The following CERS3 variants were observed in gnomAD, a reference collection of about 807,000 sequenced individuals.
CERS3 encodes ceramide synthase 3, also known as LAG1 homolog, ceramide synthase 3.
A neutral mutation model predicts 50.3 loss-of-function variants in CERS3; 33 were observed. The observed-to-expected ratio is 0.66, with a 90% CI of 0.50 to 0.88. The LOEUF is 0.88. Among genes scored for constraint, CERS3 ranks in the 40% least tolerant of loss-of-function variants. The pLI, the probability that CERS3 is intolerant of heterozygous loss-of-function variation, is 0.00. For synonymous variants in CERS3, 176 were observed against 155.2 expected (o/e 1.13, Z -0.99); for missense variants, 470 against 460.3 (o/e 1.02, Z -0.19).
At chr15:100,453,194 C>T (rs1408174626) in intron 11 of CERS3, among the ~76,000 whole-genome samples, 3 of 151,804 alleles carry the variant, frequency 2.0e-5, no homozygotes, top group African/African-American at 7.3e-5. Context: ...AAGGACCCAA[C>T]AACAAAAAAA....
rs560115372 is a variant in CERS3 at position 100,537,062 on chromosome 15, T to C, written c.-355+7589A>G. Among the ~76,000 whole-genome samples the C allele has an allele frequency of 2.6e-5, 4 of 152,346 alleles. No individual in the cohort carries two copies. In the South Asian group the frequency reaches 6.2e-4, roughly 24 times the overall value. ...TCCCTCTTCCTCCTATTCTACCACC[T>C]ATCCCATATCCTACCCTGCCACTTG... On this transcript the variant is annotated intron_variant, in intron 1 of 12. Transcript: ENST00000284382.
chr15:100,402,605 G>A lies in CERS3; in HGVS notation c.*108C>T, dbSNP rs943244041. On this transcript the variant is annotated 3_prime_UTR_variant, in exon 12 of 12. Coordinates refer to ENST00000679737, the MANE Select transcript of CERS3 (RefSeq NM_001378789.1). The stretch of plus-strand genomic sequence containing the variant: ...CATCTTAGGTGGGAGGGAAGGCGGT[G>A]GTGAGAAAGAGGGAAGGGCAGAATG... 4.7e-6 allele frequency: 5 copies of A among 1,071,292 alleles called. No individual in the cohort carries two copies. Among genetic ancestry groups the A allele is most frequent in the Admixed American group, 5.0e-5 (2 of 39,774 alleles). 66.4% of individuals were successfully genotyped at this position (1,071,292 alleles called of 1,614,324 possible).
rs1407900299 is a variant in CERS3 at position 100,400,677 on chromosome 15, G to T, written c.*2036C>A. On this transcript the variant is annotated 3_prime_UTR_variant, in exon 12 of 12. Transcript: ENST00000679737. ...ATAAGAAAAAAAACTGGAGATAGAG[G>T]TAAACAAATACTTTTCTACCTTAAG... 1.3e-5 allele frequency: 2 copies of T among 151,918 alleles called. No homozygotes were observed. The highest frequency in any genetic ancestry group is 4.8e-5 in the African/African-American group (2 of 41,346). The allele number at this position is 151,918 out of a possible 1,614,324, so 9.4% of individuals were successfully genotyped here. A position where few individuals can be genotyped will look rare whatever the true frequency, so the allele number is the denominator to read the frequency against.
upstream of CERS3, among the ~76,000 whole-genome samples, chr15:100,530,566 C>T (rs953223311): frequency 6.6e-6 from 1 of 152,232 alleles, no homozygotes; most frequent in Non-Finnish European, 1.5e-5. Context: ...CACAACTTAA[C>T]TGATTTTTGT....
chr15:100,432,730 T>G (rs1221119074), intron 11 of CERS3, among the ~76,000 whole-genome samples: 2 of 151,820 alleles, frequency 1.3e-5, no homozygotes, highest in African/African-American at 2.4e-5. Flanking sequence ...TTCGAAAGAG[T>G]TGTATGTATT....
intron 5 of CERS3, among the ~76,000 whole-genome samples, chr15:100,483,069 T>A (rs2035362351): frequency 6.6e-6 from 1 of 152,252 alleles, no homozygotes; most frequent in African/African-American, 2.4e-5. Flanking sequence ...GTCTTTGCTT[T>A]ACTTGAAAAT....
chr15:100,469,563 G>A, intron 9 of CERS3, 79 bp from the exon 10 acceptor site: 1 of 1,016,874 alleles, frequency 9.8e-7, no homozygotes, highest in East Asian at 2.6e-5. Context: ...GAAATGATAT[G>A]AGGTCTGGGA....
intron 2 of CERS3, among the ~76,000 whole-genome samples, chr15:100,507,579 C>T (rs2036221613): frequency 6.6e-6 from 1 of 152,244 alleles, no homozygotes; most frequent in Admixed American, 6.5e-5. Context: ...TTTACCTGAT[C>T]CTAGTGTACT....
chr15:100,424,700 A>G (rs751192452), intron 11 of CERS3, among the ~76,000 whole-genome samples: 11 of 152,246 alleles, frequency 7.2e-5, no homozygotes, highest in Non-Finnish European at 1.3e-4. Flanking sequence ...ATGACAGCAT[A>G]TGCTCATCTG....
At chr15:100,457,701 TGCC>T (rs2034422037) in intron 10 of CERS3, among the ~76,000 whole-genome samples, 1 of 152,238 alleles carries the variant, frequency 6.6e-6, no homozygotes, top group Non-Finnish European at 1.5e-5. Flanking sequence ...TAGAATTGTG[TGCC>T]ATCTGGTAAA....
At chr15:100,532,938 T>A (rs2036974456), upstream of CERS3, among the ~76,000 whole-genome samples, 1 of 152,114 alleles carries the variant, frequency 6.6e-6, no homozygotes, top group South Asian at 2.1e-4. Context: ...TGTCATAAAG[T>A]CATCTCTCCT....
chr15:100,489,976 G>A (rs1348143407), intron 4 of CERS3, among the ~76,000 whole-genome samples: 1 of 152,148 alleles, frequency 6.6e-6, no homozygotes, highest in African/African-American at 2.4e-5. Context: ...ACTTAATTCA[G>A]GAAATAAAGT....
intron 11 of CERS3, among the ~76,000 whole-genome samples, chr15:100,432,468 T>G (rs999002980): frequency 2.6e-5 from 4 of 152,150 alleles, no homozygotes; most frequent in Non-Finnish European, 4.4e-5. Flanking sequence ...ACATGGAGGC[T>G]TAATCAATTT....
intron 1 of CERS3, among the ~76,000 whole-genome samples, chr15:100,524,981 T>C: frequency 6.6e-6 from 1 of 152,214 alleles, no homozygotes; most frequent in East Asian, 1.9e-4. Context: ...AACCTGAATA[T>C]AGTAAGTAAA....
intron 4 of CERS3, among the ~76,000 whole-genome samples, chr15:100,486,661 A>G (rs1036085854): frequency 5.3e-5 from 8 of 152,306 alleles, no homozygotes; most frequent in Non-Finnish European, 1.2e-4. Flanking sequence ...ACAGCAGGAC[A>G]TATTCTGGCA....
intron 2 of CERS3, among the ~76,000 whole-genome samples, chr15:100,514,039 T>C (rs556551797): frequency 6.6e-6 from 1 of 152,348 alleles, no homozygotes; most frequent in South Asian, 2.1e-4. Context: ...ACATGGACTT[T>C]GGAGCCAGGC....
chr15:100,467,874 G>GATATAGAT lies in CERS3; in HGVS notation c.845+1503_845+1504insATCTATAT, dbSNP rs1555528343. 1.6e-3 allele frequency among the ~76,000 whole-genome samples: 75 copies of GATATAGAT among 46,010 alleles called. 2 individuals carry two copies. The highest frequency in any genetic ancestry group is 3.6e-3 in the African/African-American group (69 of 19,128). 30.2% of individuals were successfully genotyped at this position (46,010 alleles called of 152,430 possible). On this transcript the variant is annotated intron_variant, in intron 10 of 11. Transcript: ENST00000679737. ...ATATAGATAGATAGATAGATAGATAGATAGATATAGATATAGATATAGATA... is the reference window on the plus strand; with the variant it reads ...ATATAGATAGATAGATAGATAGATAGATATAGATATAGATATAGATATAGATATAGATA...
At chr15:100,483,778 A>ATAATTTTTT (rs2035391633) in intron 5 of CERS3, among the ~76,000 whole-genome samples, 1 of 59,138 alleles carries the variant, frequency 1.7e-5, no homozygotes, top group East Asian at 5.5e-4. Context: ...AATAATAATT[A>ATAATTTTTT]TTATTATTAT....
chr15:100,491,536 A>G lies in CERS3; in HGVS notation c.174-605T>C, dbSNP rs73473843. Among the ~76,000 whole-genome samples the G allele has an allele frequency of 5.2e-3, 797 of 152,150 alleles. 8 individuals are homozygous for G. The highest frequency in any genetic ancestry group is 0.018 in the African/African-American group (750 of 41,510). ...TGGTACTGTCAGCCTTGGCAATTCT[A>G]CTGGGTGTGTAGTGGTTTTTGTTGA... On this transcript the variant is annotated intron_variant, in intron 3 of 11. Transcript: ENST00000679737.
Sources: allele counts gnomAD v4.1 joint callset (sites outside exome capture counted in the v4.1 genomes callset), GRCh38; gene constraint gnomAD v4.1.1; transcripts MANE v1.5; gene names NCBI Gene and HGNC (gene_info 2026-07-23, HGNC 2026-07-21).